REPS2: variants seen among roughly 807,000 people sequenced by gnomAD.
The protein encoded by REPS2 is ralBP1-associated Eps domain-containing protein 2.
Under a neutral mutation model 53.6 loss-of-function variants are expected in REPS2, and 23 were observed. The observed-to-expected ratio is 0.43, with a 90% CI of 0.31 to 0.61. The LOEUF (loss-of-function observed/expected upper bound fraction) is 0.61. Ranked by LOEUF, REPS2 falls within the 20% of genes least tolerant of loss-of-function variation. The pLI is 0.11. For missense variants in REPS2, 446 were observed against 534.9 expected (o/e 0.83, Z 1.64); for synonymous variants, 238 against 218.6 (o/e 1.09, Z -0.78).
chrX:17,184,599 G>T, the REPS2 span, among the ~76,000 whole-genome samples: 1 of 109,249 alleles, frequency 9.2e-6, no homozygotes, highest in South Asian at 4.1e-4. Context: ...CTGAGGAATC[G>T]CCACACTGAC....
At chrX:17,109,717 A>G (rs143897918) in intron 14 of REPS2, among the ~76,000 whole-genome samples, 58 of 111,905 alleles carry the variant, frequency 5.2e-4, no homozygotes, top group African/African-American at 1.9e-3. Flanking sequence ...CTCAAGAGGA[A>G]ACCAGAACAA....
intron 14 of REPS2, among the ~76,000 whole-genome samples, chrX:17,125,941 C>T (rs1281596816): frequency 1.8e-5 from 2 of 111,870 alleles, no homozygotes; most frequent in African/African-American, 3.2e-5. Flanking sequence ...TTTGCAGTGG[C>T]CCAGGTGATA....
At position 17,114,112 on chromosome X, in the gene REPS2, G is replaced by T. The variant is rs183512681; in HGVS notation, c.1578+10333G>T. Among the ~76,000 whole-genome samples, 722 of 111,534 alleles carry T rather than the reference G, an allele frequency of 6.5e-3. 6 individuals are homozygous for T. Among genetic ancestry groups the T allele is most frequent in the African/African-American group, 0.022 (686 of 30,692 alleles). ...TATATGGTAGACCTTTGATGGTAAG[G>T]TTTTCTCATCTCTGAGGATGACCTT... On this transcript the variant is annotated intron_variant, in intron 14 of 17. Coordinates refer to ENST00000357277, the MANE Select transcript of REPS2 (RefSeq NM_004726.3).
chrX:17,007,574 C>G (rs940092481), intron 2 of REPS2, among the ~76,000 whole-genome samples: 9 of 111,967 alleles, frequency 8.0e-5, no homozygotes, highest in African/African-American at 2.9e-4. Context: ...AACACCTGTT[C>G]CCATAATCGC....
chrX:16,950,320 A>G (rs1253755823), intron 1 of REPS2, among the ~76,000 whole-genome samples: 4 of 112,109 alleles, frequency 3.6e-5, no homozygotes, highest in Non-Finnish European at 7.5e-5. Context: ...TTGGGCAATT[A>G]TGGATAAAGC....
At chrX:17,183,258 TAGTA>T in the REPS2 span, among the ~76,000 whole-genome samples, 1 of 112,389 alleles carries the variant, frequency 8.9e-6, no homozygotes, top group Admixed American at 9.4e-5. Flanking sequence ...TTATCCGCTT[TAGTA>T]AGTATGAGGA....
chrX:17,148,046 C>G lies in REPS2; in HGVS notation c.*565C>G, dbSNP rs1368171956. 1 of 112,427 alleles carries G rather than the reference C, an allele frequency of 8.9e-6. No homozygotes were observed. Among genetic ancestry groups the G allele is most frequent in the Non-Finnish European group, 1.9e-5 (1 of 53,300 alleles). 9.3% of individuals were successfully genotyped at this position (112,427 alleles called of 1,213,427 possible). A position where few individuals can be genotyped will look rare whatever the true frequency, so the allele number is the denominator to read the frequency against. On this transcript the variant is annotated 3_prime_UTR_variant, in exon 18 of 18. Transcript: ENST00000357277. ...TACCACTATATGCCAAAAATTGCTT[C>G]TCTAGTGCCATTTTGATATTATATC...
intron 5 of REPS2, among the ~76,000 whole-genome samples, chrX:17,031,190 C>T (rs778528099): frequency 7.1e-5 from 8 of 112,096 alleles, no homozygotes; most frequent in Non-Finnish European, 1.1e-4. Context: ...GGGATTTATC[C>T]CTAAGCTCTC....
At position 17,087,447 on chromosome X, in the gene REPS2, G is replaced by C. The variant is rs764616448; in HGVS notation, c.1516+10040G>C. 3.6e-5 allele frequency among the ~76,000 whole-genome samples: 4 copies of C among 111,977 alleles called. No individual in the cohort carries two copies. In the East Asian group the frequency reaches 1.1e-3, roughly 31 times the overall value. On this transcript the variant is annotated intron_variant, in intron 13 of 17. Transcript: ENST00000357277. The stretch of plus-strand genomic sequence containing the variant: ...GGCTGGCCAAGAAAAATGGAGACTG[G>C]TGGAGAAGGAGTTTGTAGACGGTGT...
Position 17,025,105 on chromosome X carries a change from C to T in REPS2, c.593C>T (p.Ser198Phe). Residue 198 changes from serine (S) to phenylalanine (F), a missense_variant, in exon 4 of 18, where the codon TCT (serine) becomes TTT (phenylalanine). Transcript: ENST00000357277. Reference sequence around the variant, plus strand: ...ATGTCACCCCTCGCCTCCCCTCCTTCTTCCCCGCCTCATTACCAGAGGGTG... The same window carrying T: ...ATGTCACCCCTCGCCTCCCCTCCTTTTTCCCCGCCTCATTACCAGAGGGTG... ...PTMSPLASPP[S>F]SPPHYQRVPL... is the part of the protein sequence containing the mutation. 1 of 1,211,745 alleles carries T rather than the reference C, an allele frequency of 8.3e-7. No homozygotes were observed.
chrX:17,153,758 A>G (rs185056602), downstream of REPS2, among the ~76,000 whole-genome samples: 7 of 110,914 alleles, frequency 6.3e-5, no homozygotes, highest in African/African-American at 2.3e-4. Flanking sequence ...CATATTGTGA[A>G]TGCAAATGGT....
At chrX:17,116,571 C>T (rs1353365678) in intron 14 of REPS2, among the ~76,000 whole-genome samples, 1 of 111,742 alleles carries the variant, frequency 8.9e-6, no homozygotes, top group African/African-American at 3.3e-5. Context: ...CTTCATCTTC[C>T]AAATTAAAAA....
rs181342013 is a variant in REPS2, at chrX:17,099,147, G to A, written c.1517-4571G>A. On this transcript the variant is annotated intron_variant, in intron 13 of 17. Coordinates refer to ENST00000357277, the MANE Select transcript of REPS2 (RefSeq NM_004726.3). Reference sequence around the variant, plus strand: ...GGCTTATAGATTTCAGACATTCACAGCTTTTAAAGTCTCTCACAGTCCGTA... The same window carrying A: ...GGCTTATAGATTTCAGACATTCACAACTTTTAAAGTCTCTCACAGTCCGTA... Among the ~76,000 whole-genome samples, 398 of 111,515 alleles carry A rather than the reference G, an allele frequency of 3.6e-3. 2 individuals are homozygous for A. Among genetic ancestry groups the A allele is most frequent in the Non-Finnish European group, 2.1e-3 (110 of 53,115 alleles).
intron 1 of REPS2, among the ~76,000 whole-genome samples, chrX:17,002,739 A>G (rs1182605198): frequency 8.9e-6 from 1 of 111,763 alleles, no homozygotes; most frequent in Non-Finnish European, 1.9e-5. Context: ...GCATCTCTGG[A>G]GTTCTGACTG....
At chrX:16,980,125 T>G (rs1306502915) in intron 1 of REPS2, among the ~76,000 whole-genome samples, 1 of 108,048 alleles carries the variant, frequency 9.3e-6, no homozygotes, top group African/African-American at 3.4e-5. Context: ...TTTTTTTTTT[T>G]TGAGGCAGTC....
intron 2 of REPS2, 38 bp downstream of exon 2, chrX:17,006,382 C>A (rs1420044564): frequency 2.6e-6 from 3 of 1,144,222 alleles, no homozygotes; most frequent in Non-Finnish European, 3.5e-6. Flanking sequence ...TTGTCCATGG[C>A]GAGTCGCTCA....
At chrX:17,050,869 T>C (rs960044618) in intron 6 of REPS2, among the ~76,000 whole-genome samples, 2 of 111,608 alleles carry the variant, frequency 1.8e-5, no homozygotes, top group Non-Finnish European at 3.8e-5. Context: ...CCAGTTACAT[T>C]CTTTAAGTTA....
chrX:17,108,461 C>T (rs751868433), intron 14 of REPS2, among the ~76,000 whole-genome samples: 5 of 110,645 alleles, frequency 4.5e-5, no homozygotes, highest in African/African-American at 1.6e-4. Flanking sequence ...CATGAGCCAC[C>T]GTGCCCGGCG....
chrX:17,073,672 A>AT (rs1195934234), intron 11 of REPS2, among the ~76,000 whole-genome samples: 158 of 100,008 alleles, frequency 1.6e-3, no homozygotes, highest in Middle Eastern at 0.01. Context: ...CTGGTAGTGT[A>AT]TTTTTTTTTT....
Sources: gnomAD v4.1 joint callset for allele counts (sites outside exome capture counted in the v4.1 genomes callset) on GRCh38, gnomAD v4.1.1 for gene constraint, MANE v1.5 for transcripts, NCBI Gene and HGNC (gene_info 2026-07-23, HGNC 2026-07-21) for gene names.